Variants in EPS8L1 observed in about 807,000 individuals in gnomAD.
The protein encoded by EPS8L1 is EPS8 signaling adaptor L1.
A neutral mutation model predicts 91.7 loss-of-function variants in EPS8L1; 101 were observed. The observed-to-expected ratio is 1.10, with a 90% CI of 0.94 to 1.30. The LOEUF (loss-of-function observed/expected upper bound fraction) is 1.30, where lower values mean the gene tolerates loss of function less well. Among genes scored for constraint, EPS8L1 ranks in the 50% most tolerant of loss-of-function variants. The pLI is 0.00. For synonymous variants in EPS8L1, 506 were observed against 445.3 expected, an observed-to-expected ratio of 1.14 and a Z score of -1.72; for missense variants, 1,114 against 1,017.0, an observed-to-expected ratio of 1.10 and a Z score of -1.30.
In EPS8L1 at chr19:55,078,091, A is replaced by ATGGT; in HGVS notation, c.21_22insTGGT (p.Glu8TrpfsTer2). On this transcript the variant is annotated frameshift_variant, in exon 3 of 20. Transcript: ENST00000201647. LOFTEE classifies it high-confidence loss of function. Reference sequence around the variant, plus strand: ...TCATTCCTCTTTTCTTCACCAGCCCAGAAGCTGCCCCAAAGCCAAGCGCCA... The same window carrying ATGGT: ...TCATTCCTCTTTTCTTCACCAGCCCATGGTGAAGCTGCCCCAAAGCCAAGCGCCA... 1 of 1,613,760 alleles carries ATGGT rather than the reference A, an allele frequency of 6.2e-7. No homozygotes were observed. Among genetic ancestry groups the ATGGT allele is most frequent in the South Asian group, 1.1e-5 (1 of 91,054 alleles).
chr19:55,086,923 A>C lies in EPS8L1; in HGVS notation c.1952+35A>C, dbSNP rs1209860422. 7.1e-6 allele frequency: 10 copies of C among 1,407,544 alleles called. No individual in the cohort carries two copies. The South Asian group carries it at 1.2e-4, about 18-fold the overall frequency. The allele number at this position is 1,407,544 out of a possible 1,614,324, so 87.2% of individuals were successfully genotyped here. ...GCCGGGGCCCTCTCGGCGCGGGTTG[A>C]TACGGACGCTGGGAGCGGAGCGTTC... On this transcript the variant is annotated intron_variant, in intron 18 of 19. Coordinates refer to ENST00000201647, the MANE Select transcript of EPS8L1 (RefSeq NM_133180.3).
At position 55,076,419 on chromosome 19, in the gene EPS8L1, G is replaced by T; in HGVS notation, c.-26G>T. 2 of 1,611,080 alleles carry T rather than the reference G, an allele frequency of 1.2e-6. No individual in the cohort carries two copies. Among genetic ancestry groups the T allele is most frequent in the Non-Finnish European group, 1.7e-6 (2 of 1,178,676 alleles). The stretch of plus-strand genomic sequence containing the variant: ...TTGCTGGCTCCCAGGGCACCTCCAG[G>T]TGGGCAGGAGCTACCACTCAGCACC... On this transcript the variant is annotated 5_prime_UTR_variant, in exon 2 of 20. Coordinates refer to ENST00000201647, the MANE Select transcript of EPS8L1 (RefSeq NM_133180.3).
intron 14 of EPS8L1, 122 bp from the exon 15 acceptor site, chr19:55,085,719 T>G (rs1013014792): frequency 5.3e-6 from 6 of 1,126,682 alleles, no homozygotes; most frequent in Non-Finnish European, 7.5e-6. Context: ...CTATTAACAG[T>G]ATTAACCCGG....
At chr19:55,079,318 G>GCCCTGCAT (rs1202989755) in intron 4 of EPS8L1, among the ~76,000 whole-genome samples, 1 of 152,184 alleles carries the variant, frequency 6.6e-6, no homozygotes. Context: ...TCAAGACACA[G>GCCCTGCAT]CCCTGCATGA....
chr19:55,079,692 C>A lies in EPS8L1; in HGVS notation c.120C>A (p.His40Gln), dbSNP rs1350039361. The change falls in exon 5 of 20, where the codon CAC becomes CAA. Residue 40 changes from histidine (H) to glutamine (Q), a missense_variant and splice_region_variant. Coordinates refer to ENST00000201647, the MANE Select transcript of EPS8L1 (RefSeq NM_133180.3). ...MADVSQYPVN[H>Q]LVTFCLGEDD... ...GCTTTCTCCATGGTCCGTACCAGCACCTGGTGACGTTCTGCCTGGGTGAGG... is the reference window on the plus strand; with the variant it reads ...GCTTTCTCCATGGTCCGTACCAGCAACTGGTGACGTTCTGCCTGGGTGAGG... 1 of 1,613,506 alleles carries A rather than the reference C, an allele frequency of 6.2e-7. No homozygotes were observed. Among genetic ancestry groups the A allele is most frequent in the Non-Finnish European group, 8.5e-7 (1 of 1,179,724 alleles).
At chr19:55,078,002 C>A (rs923569854) in intron 2 of EPS8L1, 86 bp from the exon 3 acceptor site, 32 of 1,111,808 alleles carry the variant, frequency 2.9e-5, no homozygotes, top group African/African-American at 2.4e-4. Context: ...TTACCTTCGT[C>A]ATGAAGCCCT....
At position 55,079,708 on chromosome 19, in the gene EPS8L1, C is replaced by G; in HGVS notation, c.136C>G (p.Leu46Val). The G allele has an allele frequency of 6.2e-7, 1 of 1,614,016 alleles. No individual in the cohort carries two copies. The highest frequency in any genetic ancestry group is 8.5e-7 in the Non-Finnish European group (1 of 1,179,920). ...YPVNHLVTFC[L>V]GEDDGVHTVE... ...GTACCAGCACCTGGTGACGTTCTGC[C>G]TGGGTGAGGACGATGGCGTGCATAC... is the stretch of plus-strand genomic sequence containing the variant. Residue 46 changes from leucine to valine, a missense_variant, in exon 5 of 20, where the codon CTG (leucine) becomes GTG (valine). Coordinates refer to ENST00000201647, the MANE Select transcript of EPS8L1 (RefSeq NM_133180.3).
rs543739662 is a variant in EPS8L1, at chr19:55,079,931, C to T, written c.279+80C>T. ...CTGGGTGTGAATCTTGGCTCCTGCA[C>T]GTCCTTCCTCTGGGAACTCTGGCGA... On this transcript the variant is annotated intron_variant, in intron 5 of 19. Coordinates refer to ENST00000201647, the MANE Select transcript of EPS8L1 (RefSeq NM_133180.3). 241 of 1,488,076 alleles carry T rather than the reference C, an allele frequency of 1.6e-4. 2 individuals are homozygous for T. In the African/African-American group the frequency reaches 1.9e-3, roughly 12 times the overall value. The allele number at this position is 1,488,076 out of a possible 1,614,324, so 92.2% of individuals were successfully genotyped here. A position where few individuals can be genotyped will look rare whatever the true frequency, so the allele number is the denominator to read the frequency against.
At chr19:55,078,306 C>A (rs1302167638) in intron 3 of EPS8L1, among the ~76,000 whole-genome samples, 178 bp downstream of exon 3, 1 of 100,490 alleles carries the variant, frequency 1.0e-5, no homozygotes, top group East Asian at 2.8e-4. Context: ...GGCTGGACTC[C>A]TAGGTTTGAG....
rs2076310237 is a variant in EPS8L1 at position 55,083,337 on chromosome 19, T to C, written c.1215-41T>C. 6.3e-7 allele frequency: 1 copy of C among 1,595,366 alleles called. No individual in the cohort carries two copies. Among genetic ancestry groups the C allele is most frequent in the Non-Finnish European group, 8.6e-7 (1 of 1,168,708 alleles). ...AATGCAGGAACGAAGTTGGGGGCTG[T>C]ATCAGGATCCCTGAGCTCTTGGCCC... On this transcript the variant is annotated intron_variant, in intron 12 of 19. Transcript: ENST00000201647. This position sits in a 1 kb window ranked among gnomAD's most constrained non-coding sequence, Gnocchi z 4.7.
chr19:55,086,532 A>G lies in EPS8L1; in HGVS notation c.1777+14A>G. On this transcript the variant is annotated intron_variant, in intron 17 of 19. Transcript: ENST00000201647. ...CCAGCGAGAAGGGTGAGTGGTGGGGACGCCGGCTGCGGGGAGCGGTCCTTA... is the reference window on the plus strand; with the variant it reads ...CCAGCGAGAAGGGTGAGTGGTGGGGGCGCCGGCTGCGGGGAGCGGTCCTTA... The G allele has an allele frequency of 6.5e-7, 1 of 1,550,210 alleles. No homozygotes were observed. The highest frequency in any genetic ancestry group is 8.7e-7 in the Non-Finnish European group (1 of 1,146,412).
chr19:55,084,734 C>T (rs942658102), intron 14 of EPS8L1: 20 of 152,228 alleles, frequency 1.3e-4, no homozygotes, highest in African/African-American at 4.3e-4. Flanking sequence ...CAACCCTGGT[C>T]CCTGTTCACA....
intron 10 of EPS8L1, 40 bp from the exon 11 acceptor site, chr19:55,082,234 TC>T (rs772049446): frequency 6.2e-7 from 1 of 1,600,496 alleles, no homozygotes; most frequent in East Asian, 2.3e-5. Context: ...ACCTGTCCCG[TC>T]CCCGCACCCA....
At chr19:55,082,248 C>A in intron 10 of EPS8L1, 27 bp from the exon 11 acceptor site, 1 of 1,605,812 alleles carries the variant, frequency 6.2e-7, no homozygotes. Context: ...CGCACCCACG[C>A]CAACCACCTC....
At chr19:55,080,710 C>T in intron 6 of EPS8L1, 62 bp from the exon 7 acceptor site, 5 of 1,583,712 alleles carry the variant, frequency 3.2e-6, no homozygotes, top group Non-Finnish European at 2.6e-6. Flanking sequence ...CGGCCAGGGG[C>T]GAGGCCCGGG....
In EPS8L1 at chr19:55,085,834, T is replaced by G. The variant is rs2076346717; in HGVS notation, c.1386-7T>G. ...TCCTTATCTCCAACCCTCCCGCTTC[T>G]CCTCAGTCACCGAGACTTGGAGCCA... On this transcript the variant is annotated splice_region_variant and splice_polypyrimidine_tract_variant and intron_variant, in intron 14 of 19. Coordinates refer to ENST00000201647, the MANE Select transcript of EPS8L1 (RefSeq NM_133180.3). 1.2e-6 allele frequency: 2 copies of G among 1,610,642 alleles called. No individual in the cohort carries two copies. Among genetic ancestry groups the G allele is most frequent in the Admixed American group, 1.7e-5 (1 of 59,868 alleles).
At chr19:55,087,159 G>A in intron 18 of EPS8L1, 144 bp from the exon 19 acceptor site, 5 of 1,282,626 alleles carry the variant, frequency 3.9e-6, no homozygotes, top group Non-Finnish European at 2.1e-6. Flanking sequence ...TGATTGGTGG[G>A]TGGGGTTCAG....
At chr19:55,080,747 C>A in intron 6 of EPS8L1, 25 bp from the exon 7 acceptor site, 2 of 1,607,462 alleles carry the variant, frequency 1.2e-6, no homozygotes, top group Middle Eastern at 3.4e-4. Context: ...CGTGGGGAGG[C>A]GTGGCCTGAC....
rs768077956 is a variant in EPS8L1, at chr19:55,086,819, C to T, written c.1883C>T (p.Pro628Leu). ...RAVPGPRAPE[P>L]QLSPGSDASE... is the part of the protein sequence containing the mutation. The stretch of plus-strand genomic sequence containing the variant: ...GTCCCAGGGCCCCGCGCCCCGGAAC[C>T]GCAGCTCAGCCCGGGCTCGGACGCC... The change falls in exon 18 of 20, where the codon CCG (proline) becomes CTG (leucine). Residue 628 changes from proline to leucine, a missense_variant. Physicochemically the swap from Pro to Leu is moderately conservative, Grantham distance 98. Transcript: ENST00000201647. 1.9e-6 allele frequency: 3 copies of T among 1,576,308 alleles called. No individual in the cohort carries two copies. The highest frequency in any genetic ancestry group is 2.6e-6 in the Non-Finnish European group (3 of 1,162,022).
Sources: gnomAD v4.1 joint callset for allele counts (sites outside exome capture counted in the v4.1 genomes callset) on GRCh38, gnomAD v4.1.1 for gene constraint, Gnocchi (gnomAD v3.1) non-coding constraint, MANE v1.5 for transcripts, NCBI Gene and HGNC (gene_info 2026-07-23, HGNC 2026-07-21) for gene names.